Variants in LPXN observed in about 807,000 individuals in gnomAD.
LPXN encodes the protein leupaxin.
LPXN carries 28 observed loss-of-function variants against 45.6 expected under a neutral mutation model. That is an observed-to-expected ratio of 0.61 (90% CI 0.45 to 0.84). The LOEUF (loss-of-function observed/expected upper bound fraction) is 0.84. LPXN is among the 40% of genes least tolerant of loss of function. The pLI is 0.00. For missense variants in LPXN, 459 were observed against 475.0 expected (o/e 0.97, Z 0.31); for synonymous variants, 166 against 169.9 (o/e 0.98, Z 0.18).
At chr11:58,576,829 G>C (rs1419237315), upstream of LPXN, among the ~76,000 whole-genome samples, 1 of 152,134 alleles carries the variant, frequency 6.6e-6, no homozygotes, top group Non-Finnish European at 1.5e-5. Context: ...GGCGTGCAAA[G>C]GTACTATCAT....
upstream of LPXN, chr11:58,578,268 A>C: frequency 3.9e-6 from 2 of 518,790 alleles, no homozygotes; most frequent in Admixed American, 6.9e-5. Flanking sequence ...CCCGAAAAAA[A>C]GGTAAACTCT....
chr11:58,576,776 C>G (rs1487402471), upstream of LPXN, among the ~76,000 whole-genome samples: 2 of 152,060 alleles, frequency 1.3e-5, no homozygotes, highest in African/African-American at 2.4e-5. Flanking sequence ...AACACCGTAG[C>G]CTTCTTTACT....
At chr11:58,530,265 C>G (rs1267445417) in intron 7 of LPXN, among the ~76,000 whole-genome samples, 2 of 152,202 alleles carry the variant, frequency 1.3e-5, no homozygotes, top group Non-Finnish European at 2.9e-5. Flanking sequence ...GTAGGTCCCA[C>G]CCCCATGGAG....
chr11:58,527,986 T>C, intron 8 of LPXN, 57 bp downstream of exon 8: 1 of 1,569,832 alleles, frequency 6.4e-7, no homozygotes, highest in Non-Finnish European at 8.7e-7. Context: ...GCTCTTCCTC[T>C]CAGAGAGGAG....
chr11:58,553,066 T>C (rs1332144631), intron 4 of LPXN, among the ~76,000 whole-genome samples: 2 of 152,056 alleles, frequency 1.3e-5, no homozygotes, highest in Admixed American at 6.5e-5. Context: ...CCGGGCACAG[T>C]GGTTCATGCC....
At chr11:58,561,281 T>C (rs1479943633) in intron 3 of LPXN, among the ~76,000 whole-genome samples, 1 of 152,228 alleles carries the variant, frequency 6.6e-6, no homozygotes, top group Admixed American at 6.5e-5. Flanking sequence ...GAAGAAAAGT[T>C]GATACTTTTC....
At chr11:58,563,254 T>C (rs1439941213) in intron 3 of LPXN, among the ~76,000 whole-genome samples, 1 of 152,200 alleles carries the variant, frequency 6.6e-6, no homozygotes, top group Non-Finnish European at 1.5e-5. Context: ...GGGGAGGGAC[T>C]AGGAGGAATT....
At chr11:58,557,076 C>A (rs986184738) in intron 3 of LPXN, among the ~76,000 whole-genome samples, 8 of 152,094 alleles carry the variant, frequency 5.3e-5, no homozygotes, top group Non-Finnish European at 1.2e-4. Flanking sequence ...GAAAAAAGAA[C>A]CTTTATACAC....
chr11:58,537,005 G>C (rs1427230673), intron 7 of LPXN, among the ~76,000 whole-genome samples: 1 of 152,196 alleles, frequency 6.6e-6, no homozygotes, highest in Admixed American at 6.5e-5. Flanking sequence ...AAAAAGTCAG[G>C]AAACAACAGA....
At position 58,528,580 on chromosome 11, in the gene LPXN, G is replaced by A. The variant is rs554872639; in HGVS notation, c.743-389C>T. 1.3e-4 allele frequency among the ~76,000 whole-genome samples: 20 copies of A among 152,142 alleles called. No homozygotes were observed. The East Asian group carries it at 2.1e-3, about 16-fold the overall frequency. ...CCTTGTCACATCATCTTCTTTCACC[G>A]TCTTTATGGCATTTACCTTTATTTA... On this transcript the variant is annotated intron_variant, in intron 7 of 8. Coordinates refer to ENST00000395074, the MANE Select transcript of LPXN (RefSeq NM_004811.3).
intron 7 of LPXN, among the ~76,000 whole-genome samples, chr11:58,545,558 G>C (rs2120287205): frequency 6.6e-6 from 1 of 152,306 alleles, no homozygotes; most frequent in Non-Finnish European, 1.5e-5. Context: ...AATACCTAAT[G>C]ATTTGTGAAA....
rs1854003453 is a variant in LPXN at position 58,550,105 on chromosome 11, A to G, written c.528T>C (p.Phe176=). 4.3e-6 allele frequency: 7 copies of G among 1,614,080 alleles called. No homozygotes were observed. The Admixed American group carries it at 8.3e-5, about 19-fold the overall frequency. ...ALGQSWHPEH[F]VCTHCKEEIG... ...TCTCTTCTTTGCAATGAGTACAGAC[A>G]AAATGCTCAGGATGCCATGATTGCC... Residue 176 remains phenylalanine (F), a synonymous_variant, in exon 6 of 9, where the codon TTT becomes TTC. Coordinates refer to ENST00000395074, the MANE Select transcript of LPXN (RefSeq NM_004811.3).
At chr11:58,547,494 C>A (rs1331096990) in intron 7 of LPXN, among the ~76,000 whole-genome samples, 2 of 152,128 alleles carry the variant, frequency 1.3e-5, no homozygotes, top group African/African-American at 4.8e-5. Flanking sequence ...AACAACAATC[C>A]TAGACAAGTT....
intron 7 of LPXN, among the ~76,000 whole-genome samples, chr11:58,537,439 C>T (rs1282339266): frequency 2.0e-5 from 3 of 152,106 alleles, no homozygotes; most frequent in African/African-American, 7.2e-5. Flanking sequence ...CATGTTCTCA[C>T]TCATAAGTGG....
chr11:58,531,982 G>A lies in LPXN; in HGVS notation c.743-3791C>T, dbSNP rs537757289. Among the ~76,000 whole-genome samples the A allele has an allele frequency of 6.6e-5, 10 of 152,352 alleles. No individual in the cohort carries two copies. In the South Asian group the frequency reaches 1.0e-3, roughly 16 times the overall value. ...ACGGGCAGGAACTGGGGCTGCATGCGGTGCTCGTGGGCCAGCACGAGTTTC... is the reference window on the plus strand; with the variant it reads ...ACGGGCAGGAACTGGGGCTGCATGCAGTGCTCGTGGGCCAGCACGAGTTTC... On this transcript the variant is annotated intron_variant, in intron 7 of 8. Coordinates refer to ENST00000395074, the MANE Select transcript of LPXN (RefSeq NM_004811.3).
intron 5 of LPXN, 22 bp downstream of exon 5, chr11:58,551,043 C>A: frequency 6.5e-7 from 1 of 1,532,852 alleles, no homozygotes. Flanking sequence ...GGCTGTAGGA[C>A]CAAAATTTCA....
rs376035549 is a variant in LPXN at position 58,548,902 on chromosome 11, C to T, written c.742+884G>A. On this transcript the variant is annotated intron_variant, in intron 7 of 8. Coordinates refer to ENST00000395074, the MANE Select transcript of LPXN (RefSeq NM_004811.3). ...GTGAGCAGTATTCTATGATTGTCAA[C>T]ATATGCACACTTAATACTGATCTAA... Among the ~76,000 whole-genome samples the T allele has an allele frequency of 7.2e-5, 11 of 151,994 alleles. 1 individual carries two copies. In the East Asian group the frequency reaches 7.7e-4, roughly 11 times the overall value.
chr11:58,544,086 G>T (rs1853811279), intron 7 of LPXN, among the ~76,000 whole-genome samples: 1 of 152,098 alleles, frequency 6.6e-6, no homozygotes, highest in African/African-American at 2.4e-5. Flanking sequence ...ATGCTGTCCT[G>T]TGTTCTTCCT....
At chr11:58,574,804 A>ACTTTTC (rs1412490077) in intron 1 of LPXN, among the ~76,000 whole-genome samples, 3 of 152,056 alleles carry the variant, frequency 2.0e-5, no homozygotes, top group Non-Finnish European at 4.4e-5. Flanking sequence ...TTTGCCCTTT[A>ACTTTTC]CTTTTCCTCT....
Sources: allele counts gnomAD v4.1 joint callset (sites outside exome capture counted in the v4.1 genomes callset), GRCh38; gene constraint gnomAD v4.1.1; transcripts MANE v1.5; gene names NCBI Gene and HGNC (gene_info 2026-07-23, HGNC 2026-07-21).